The following ZZEF1 variants were observed in gnomAD, a reference collection of about 807,000 sequenced individuals.
ZZEF1 encodes the protein zinc finger ZZ-type and EF-hand domain containing 1, also known as zinc finger ZZ-type and EF-hand domain-containing protein 1.
In ZZEF1, 157 loss-of-function variants were observed where a neutral mutation model predicts 342.8. The observed-to-expected ratio is 0.46, with a 90% confidence interval of 0.40 to 0.52. The LOEUF is 0.52. Ranked by LOEUF, ZZEF1 falls within the 20% of genes least tolerant of loss-of-function variation. The probability of loss-of-function intolerance (pLI) is 0.00; values close to 1 mark genes in which losing one functional copy is unlikely to be tolerated. For missense variants in ZZEF1, 3,480 were observed against 3,725.6 expected (o/e 0.93, Z 1.72); for synonymous variants, 1,505 against 1,429.1 (o/e 1.05, Z -1.20).
chr17:4,080,531 A>G (rs1486122702), intron 18 of ZZEF1, among the ~76,000 whole-genome samples: 1 of 152,102 alleles, frequency 6.6e-6, no homozygotes, highest in Non-Finnish European at 1.5e-5. Context: ...TAGAAAGGGA[A>G]CTAATTTTTA....
intron 39 of ZZEF1, among the ~76,000 whole-genome samples, chr17:4,038,582 A>G (rs2056728054): frequency 1.3e-5 from 2 of 152,280 alleles, no homozygotes; most frequent in South Asian, 4.1e-4. Flanking sequence ...AGGTGGGTGG[A>G]TCACTGGAGG....
intron 44 of ZZEF1, 83 bp from the exon 45 acceptor site, chr17:4,021,403 G>T (rs1222787122): frequency 1.7e-6 from 2 of 1,150,208 alleles, no homozygotes. Context: ...AAAATATTGG[G>T]CCTAACTTTT....
chr17:4,064,430 A>G lies in ZZEF1; in HGVS notation c.4649T>C (p.Val1550Ala). Residue 1550 changes from valine to alanine, a missense_variant, in exon 29 of 55, where the codon GTG becomes GCG. By Grantham distance (64) the Val-to-Ala change is moderately conservative. Transcript: ENST00000381638. ...SMEEARLVPT[V>A]KEKYPVLKDV... ...CTTCAGCACAGGGTATTTCTCTTTC[A>G]CTGTGGGCACCAGTCTGGCCTCCTC... 6.2e-7 allele frequency: 1 copy of G among 1,613,914 alleles called. No homozygotes were observed.
At chr17:4,129,876 G>A (rs1223209890) in intron 1 of ZZEF1, among the ~76,000 whole-genome samples, 1 of 152,212 alleles carries the variant, frequency 6.6e-6, no homozygotes, top group African/African-American at 2.4e-5. Flanking sequence ...CATGGATGGA[G>A]CTGGAGGCCA....
chr17:4,128,739 G>A (rs962131155), intron 1 of ZZEF1, among the ~76,000 whole-genome samples: 6 of 149,942 alleles, frequency 4.0e-5, no homozygotes, highest in African/African-American at 1.5e-4. Context: ...TGGGATTAAA[G>A]GCGTGAGCTA....
rs140297528 is a variant in ZZEF1 at position 4,019,756 on chromosome 17, G to A, written c.7418C>T (p.Ala2473Val). Residue 2473 changes from alanine (A) to valine (V), a missense_variant, in exon 46 of 55, where the codon GCC becomes GTC. Around this residue, in one of 5 missense-constraint regions of ZZEF1, gnomAD observed 1,269 missense variants for 1,342.4 expected, o/e 0.95. Transcript: ENST00000381638. ...GAGAATGTGCAGAGGGGCATTGAGG[G>A]CATCATGAGCCATCTGGAGGCCAGG... ...TRICFLMAHDALNAPLHILRA... is the reference protein window; with the variant it reads ...TRICFLMAHDVLNAPLHILRA... 3 of 1,608,958 alleles carry A rather than the reference G, an allele frequency of 1.9e-6. No individual in the cohort carries two copies. Among genetic ancestry groups the A allele is most frequent in the Non-Finnish European group, 2.5e-6 (3 of 1,178,648 alleles).
chr17:4,081,291 A>G, intron 18 of ZZEF1, 85 bp downstream of exon 18: 1 of 1,085,548 alleles, frequency 9.2e-7, no homozygotes, highest in Non-Finnish European at 1.4e-6. Context: ...TACTGCAAAG[A>G]GGCAAAGGGG....
intron 32 of ZZEF1, among the ~76,000 whole-genome samples, chr17:4,057,608 A>G (rs2057192534): frequency 6.6e-6 from 1 of 152,212 alleles, no homozygotes; most frequent in Non-Finnish European, 1.5e-5. Context: ...AAAATTATGG[A>G]AAGGATTTCC....
intron 39 of ZZEF1, among the ~76,000 whole-genome samples, chr17:4,037,617 C>G (rs2056702500): frequency 6.6e-6 from 1 of 152,100 alleles, no homozygotes; most frequent in African/African-American, 2.4e-5. Context: ...AGAGTCTTAC[C>G]CTATTGCCCA....
intron 40 of ZZEF1, chr17:4,033,768 G>A (rs1193962135): frequency 7.3e-6 from 4 of 547,640 alleles, no homozygotes; most frequent in Non-Finnish European, 1.3e-5. Context: ...AACAGAATAT[G>A]CCTCATTAGA....
At chr17:4,132,839 G>A (rs1478233038) in intron 1 of ZZEF1, among the ~76,000 whole-genome samples, 1 of 151,746 alleles carries the variant, frequency 6.6e-6, no homozygotes, top group African/African-American at 2.4e-5. Flanking sequence ...GGTGGCGGGC[G>A]CCTGTAGTCC....
In ZZEF1 at chr17:4,047,443, G is replaced by C. The variant is rs2056942936; in HGVS notation, c.6015+2265C>G. Among the ~76,000 whole-genome samples the C allele has an allele frequency of 2.0e-5, 3 of 152,102 alleles. 1 individual carries two copies. The South Asian group carries it at 6.2e-4, about 32-fold the overall frequency. ...ATGGATTGCTTGAGTCCAGGAGTTC[G>C]AGACCAACCGGGTAACATGGCAAAA... On this transcript the variant is annotated intron_variant, in intron 37 of 54. Transcript: ENST00000381638.
At position 4,096,640 on chromosome 17, in the gene ZZEF1, G is replaced by A; in HGVS notation, c.1733C>T (p.Ser578Phe). Residue 578 changes from serine (S) to phenylalanine (F), a missense_variant, in exon 10 of 55, where the codon TCT (serine) becomes TTT (phenylalanine). Coordinates refer to ENST00000381638, the MANE Select transcript of ZZEF1 (RefSeq NM_015113.4). ...TCTTATCTGTGTAACTTGGAAGGCAGATTCAGTTCCGGTAGAAAAAATAGT... is the reference window on the plus strand; with the variant it reads ...TCTTATCTGTGTAACTTGGAAGGCAAATTCAGTTCCGGTAGAAAAAATAGT... Reference protein sequence around the residue: ...ASTIFSTGTESAFQVTQIRIM... With the variant: ...ASTIFSTGTEFAFQVTQIRIM... The A allele has an allele frequency of 6.2e-7, 1 of 1,614,092 alleles. No individual in the cohort carries two copies. Among genetic ancestry groups the A allele is most frequent in the Non-Finnish European group, 8.5e-7 (1 of 1,179,984 alleles).
At position 4,005,095 on chromosome 17, in the gene ZZEF1, G is replaced by C. The variant is rs1357495804; in HGVS notation, c.*1795C>G. The C allele has an allele frequency of 6.6e-6, 1 of 152,394 alleles. No homozygotes were observed. The highest frequency in any genetic ancestry group is 6.5e-5 in the Admixed American group (1 of 15,286). 9.4% of individuals were successfully genotyped at this position (152,394 alleles called of 1,614,324 possible). A position where few individuals can be genotyped will look rare whatever the true frequency, so the allele number is the denominator to read the frequency against. On this transcript the variant is annotated 3_prime_UTR_variant, in exon 55 of 55. Transcript: ENST00000381638. ...GTGGCGCTATCTCGTCTACCTTCCA[G>C]GTTGGCTGTGAGTCTGAGCACGCAG...
chr17:4,107,078 GAATT>G (rs2058224671), intron 6 of ZZEF1, among the ~76,000 whole-genome samples: 1 of 152,104 alleles, frequency 6.6e-6, no homozygotes, highest in Non-Finnish European at 1.5e-5. Flanking sequence ...ATCATTTACT[GAATT>G]TATTTCCACT....
In ZZEF1 at chr17:4,102,366, T is replaced by C. The variant is rs766475310; in HGVS notation, c.1623A>G (p.Glu541=). The C allele has an allele frequency of 6.2e-7, 1 of 1,613,962 alleles. No homozygotes were observed. The highest frequency in any genetic ancestry group is 1.1e-5 in the South Asian group (1 of 91,078). The stretch of plus-strand genomic sequence containing the variant: ...GGAGGTTTTCGGGTCCAGACTTATC[T>C]TCTTTTCCTTTGACATCACATGCCT... ...TLQACDVKGK[E]DKSGPENLLV... Residue 541 remains glutamate, a synonymous_variant, in exon 9 of 55, where the codon GAA becomes GAG. Transcript: ENST00000381638.
At chr17:4,118,474 C>CAAA (rs2058433335) in intron 2 of ZZEF1, among the ~76,000 whole-genome samples, 3 of 152,188 alleles carry the variant, frequency 2.0e-5, no homozygotes, top group Admixed American at 2.0e-4. Flanking sequence ...AAACAGCATC[C>CAAA]CTGTCTGCCA....
In ZZEF1 at chr17:4,008,891, C is replaced by A; in HGVS notation, c.8797G>T (p.Ala2933Ser). 1 of 1,547,122 alleles carries A rather than the reference C, an allele frequency of 6.5e-7. No homozygotes were observed. Among genetic ancestry groups the A allele is most frequent in the East Asian group, 2.4e-5 (1 of 41,188 alleles). ...LTTDDHLLRC[A>S]AQALQNIAAI... is the part of the protein sequence containing the mutation. ...TGGGGTGGAGAGAGTACCTGTGCCG[C>A]ACAGCGGAGAAGGTGGTCGTCCGTG... Residue 2933 changes from alanine to serine, a missense_variant, in exon 54 of 55, where the codon GCG becomes TCG. Transcript: ENST00000381638. The surrounding 1 kb of genome is among the most constrained non-coding windows in gnomAD (Gnocchi z 4.2).
chr17:4,057,847 C>T (rs2057198188), intron 32 of ZZEF1, 147 bp downstream of exon 32: 11 of 716,264 alleles, frequency 1.5e-5, no homozygotes, highest in Non-Finnish European at 2.4e-5. Flanking sequence ...ATAAGACTTG[C>T]GCAAGGCCAC....
Sources: gnomAD v4.1 joint callset for allele counts (sites outside exome capture counted in the v4.1 genomes callset) on GRCh38, gnomAD v4.1.1 for gene constraint, gnomAD v4.1.1 regional missense constraint, Gnocchi (gnomAD v3.1) non-coding constraint, MANE v1.5 for transcripts, NCBI Gene and HGNC (gene_info 2026-07-23, HGNC 2026-07-21) for gene names.